The following GRAMD1B variants were observed in gnomAD, a reference collection of about 807,000 sequenced individuals.
GRAMD1B encodes protein Aster-B.
Under a neutral mutation model 99.7 loss-of-function variants are expected in GRAMD1B, and 37 were observed. The ratio of observed to expected loss-of-function variants is 0.37; its 90% confidence interval spans 0.29 to 0.49. The LOEUF (loss-of-function observed/expected upper bound fraction) is 0.49. GRAMD1B is among the 20% of genes least tolerant of loss of function. The pLI, the probability that GRAMD1B is intolerant of heterozygous loss-of-function variation, is 0.98. For missense variants in GRAMD1B, 888 were observed against 1,009.2 expected (o/e 0.88, Z 1.63); for synonymous variants, 427 against 387.6 (o/e 1.10, Z -1.19).
At position 123,587,617 on chromosome 11, in the gene GRAMD1B, T is replaced by G. The variant is rs1325313233; in HGVS notation, c.684+3285T>G. ...CCTGGCGCATTCCTGCGGGCAGTCT[T>G]CTCCATGGCAGCCCCAGAAGGAGCA... On this transcript the variant is annotated intron_variant, in intron 4 of 19. Transcript: ENST00000635736. The surrounding 1 kb of genome is among the most constrained non-coding windows in gnomAD (Gnocchi z 4.2). Among the ~76,000 whole-genome samples, 3 of 152,106 alleles carry G rather than the reference T, an allele frequency of 2.0e-5. No homozygotes were observed. Among genetic ancestry groups the G allele is most frequent in the Admixed American group, 6.5e-5 (1 of 15,288 alleles).
intron 1 of GRAMD1B, among the ~76,000 whole-genome samples, chr11:123,362,314 G>A (rs1040335702): frequency 6.6e-6 from 1 of 152,282 alleles, no homozygotes; most frequent in African/African-American, 2.4e-5. Flanking sequence ...TTGAAACTAG[G>A]TCAAATGGTG....
At chr11:123,376,407 T>A (rs1282650101) in intron 1 of GRAMD1B, among the ~76,000 whole-genome samples, 1 of 152,208 alleles carries the variant, frequency 6.6e-6, no homozygotes, top group African/African-American at 2.4e-5. Context: ...GGGAACCAGG[T>A]GTACTGCCTC....
intron 2 of GRAMD1B, chr11:123,526,173 TA>T (rs754950934): frequency 1.9e-6 from 3 of 1,612,016 alleles, no homozygotes; most frequent in African/African-American, 2.7e-5. Flanking sequence ...GCTCTCCTGG[TA>T]AGTAGAGGAG....
intron 1 of GRAMD1B, among the ~76,000 whole-genome samples, chr11:123,412,843 G>A (rs897939222): frequency 2.0e-5 from 3 of 152,064 alleles, no homozygotes; most frequent in Non-Finnish European, 2.9e-5. Flanking sequence ...GTGCAGTGGC[G>A]CGATCTCGGC....
chr11:123,540,728 T>C (rs186650207), intron 2 of GRAMD1B, among the ~76,000 whole-genome samples: 104 of 152,260 alleles, frequency 6.8e-4, no homozygotes, highest in African/African-American at 2.4e-3. Flanking sequence ...TCCTTCAAGC[T>C]ATTTTTTCTA....
intron 3 of GRAMD1B, among the ~76,000 whole-genome samples, chr11:123,583,268 TGTGTGTGTG>T (rs1949627036): frequency 6.7e-6 from 1 of 149,866 alleles, no homozygotes; most frequent in East Asian, 2.0e-4. Flanking sequence ...CACATGCGCA[TGTGTGTGTG>T]CATGTGTGTG....
intron 2 of GRAMD1B, among the ~76,000 whole-genome samples, chr11:123,518,585 A>T (rs996799363): frequency 2.6e-5 from 4 of 152,010 alleles, no homozygotes; most frequent in Admixed American, 6.6e-5. Context: ...TCCTCTTTTT[A>T]CCAATTACAA....
At chr11:123,474,539 A>T (rs147607821) in intron 1 of GRAMD1B, among the ~76,000 whole-genome samples, 3,198 of 152,254 alleles carry the variant, frequency 0.021, 41 homozygotes, top group Non-Finnish European at 0.03. Flanking sequence ...TTTTCAGGAA[A>T]TAGGCTAAGG....
intron 2 of GRAMD1B, among the ~76,000 whole-genome samples, chr11:123,550,324 T>C (rs1945486246): frequency 6.6e-6 from 1 of 151,976 alleles, no homozygotes; most frequent in Admixed American, 6.5e-5. Flanking sequence ...GCCCTTGCCT[T>C]GACTTCTTTG....
intron 1 of GRAMD1B, among the ~76,000 whole-genome samples, chr11:123,450,922 T>C (rs1949859977): frequency 6.6e-6 from 1 of 152,138 alleles, no homozygotes; most frequent in Non-Finnish European, 1.5e-5. Context: ...GGCCCTTTAT[T>C]ATCCAGTGTA....
intron 2 of GRAMD1B, among the ~76,000 whole-genome samples, chr11:123,539,083 G>C (rs4936825): frequency 0.18 from 28,051 of 152,062 alleles, 2,950 homozygotes; most frequent in Admixed American, 0.24. Context: ...TTCAGAGCTA[G>C]GCTTGGTGGC....
chr11:123,464,082 C>A (rs868219826), intron 1 of GRAMD1B, among the ~76,000 whole-genome samples: 26 of 151,602 alleles, frequency 1.7e-4, no homozygotes, highest in South Asian at 4.2e-4. Context: ...GTGGGAGGGT[C>A]GCTTGAGCCG....
intron 2 of GRAMD1B, among the ~76,000 whole-genome samples, chr11:123,501,701 A>G (rs2714075): frequency 0.99 from 151,465 of 152,328 alleles, 75,302 homozygotes; most frequent in East Asian, 1. Flanking sequence ...CAATTGACCA[A>G]GAGAGAATAG....
At chr11:123,584,287 C>A in intron 3 of GRAMD1B, 25 bp from the exon 4 acceptor site, 3 of 918,530 alleles carry the variant, frequency 3.3e-6, no homozygotes, top group South Asian at 1.6e-5. Context: ...CTAATTCTAC[C>A]TTCTCTTTCA....
intron 2 of GRAMD1B, among the ~76,000 whole-genome samples, chr11:123,562,042 T>C (rs1482882192): frequency 6.6e-6 from 1 of 152,162 alleles, no homozygotes; most frequent in Non-Finnish European, 1.5e-5. Context: ...GAATAAAAGC[T>C]GTCATCACCT....
At chr11:123,574,834 G>T (rs1231662627) in intron 2 of GRAMD1B, among the ~76,000 whole-genome samples, 1 of 152,168 alleles carries the variant, frequency 6.6e-6, no homozygotes, top group South Asian at 2.1e-4. Flanking sequence ...GCTGGAGACG[G>T]CCAGGGAGGT....
intron 4 of GRAMD1B, among the ~76,000 whole-genome samples, chr11:123,589,286 T>C (rs1950381173): frequency 6.6e-6 from 1 of 151,770 alleles, no homozygotes; most frequent in African/African-American, 2.4e-5. Context: ...GAGTGAGACA[T>C]GCTACACCAT....
intron 2 of GRAMD1B, among the ~76,000 whole-genome samples, chr11:123,511,072 A>ACTCT (rs35053436): frequency 9.6e-5 from 14 of 146,160 alleles, no homozygotes; most frequent in Middle Eastern, 3.5e-3. Flanking sequence ...CCTCTTTTTC[A>ACTCT]CTCTCTCTCT....
chr11:123,571,253 AG>A (rs1177876465), intron 2 of GRAMD1B, among the ~76,000 whole-genome samples: 1 of 152,204 alleles, frequency 6.6e-6, no homozygotes, highest in Non-Finnish European at 1.5e-5. Context: ...CTTGCTGACA[AG>A]GTCTGCCTTG....
Sources: gnomAD v4.1 joint callset for allele counts (sites outside exome capture counted in the v4.1 genomes callset) on GRCh38, gnomAD v4.1.1 for gene constraint, Gnocchi (gnomAD v3.1) non-coding constraint, MANE v1.5 for transcripts, NCBI Gene and HGNC (gene_info 2026-07-23, HGNC 2026-07-21) for gene names.